Variants in MORN1 observed in about 807,000 individuals in gnomAD.
MORN1 encodes MORN repeat-containing protein 1.
Under a neutral mutation model 61.9 loss-of-function variants are expected in MORN1, and 67 were observed. The ratio of observed to expected loss-of-function variants is 1.08; its 90% confidence interval spans 0.89 to 1.33. The LOEUF (loss-of-function observed/expected upper bound fraction) is 1.33, where lower values mean the gene tolerates loss of function less well. Ranked by LOEUF, MORN1 falls within the 40% of genes most tolerant of loss-of-function variation. The pLI, the probability that MORN1 is intolerant of heterozygous loss-of-function variation, is 0.00. For missense variants in MORN1, 752 were observed against 691.2 expected, an observed-to-expected ratio of 1.09 and a Z score of -0.99; for synonymous variants, 301 against 292.0, an observed-to-expected ratio of 1.03 and a Z score of -0.31.
chr1:2,384,855 G>A lies in MORN1; in HGVS notation c.537+123C>T, dbSNP rs1570047183. 9 of 767,146 alleles carry A rather than the reference G, an allele frequency of 1.2e-5. No homozygotes were observed. The East Asian group carries it at 1.9e-4, about 17-fold the overall frequency. 47.5% of individuals were successfully genotyped at this position (767,146 alleles called of 1,614,324 possible). A position where few individuals can be genotyped will look rare whatever the true frequency, so the allele number is the denominator to read the frequency against. Reference sequence around the variant, plus strand: ...AAACTTATCTTCCCACACGGGATCAGGGAATCGCAGGGCCTGGCACATGGA... The same window carrying A: ...AAACTTATCTTCCCACACGGGATCAAGGAATCGCAGGGCCTGGCACATGGA... On this transcript the variant is annotated intron_variant, in intron 6 of 13. Coordinates refer to ENST00000378531, the MANE Select transcript of MORN1 (RefSeq NM_024848.3).
Position 2,384,902 on chromosome 1 carries a change from C to T in MORN1, c.537+76G>A, listed in dbSNP as rs1642454999. On this transcript the variant is annotated intron_variant, in intron 6 of 13. Transcript: ENST00000378531. Reference sequence around the variant, plus strand: ...TGGAGAAGCTGCCAGGGTGAGGCTCCCCATACACCCCACGCGCCCTGCCCA... The same window carrying T: ...TGGAGAAGCTGCCAGGGTGAGGCTCTCCATACACCCCACGCGCCCTGCCCA... 27 of 1,291,122 alleles carry T rather than the reference C, an allele frequency of 2.1e-5. No homozygotes were observed. In the South Asian group the frequency reaches 3.5e-4, roughly 17 times the overall value. 80.0% of individuals were successfully genotyped at this position (1,291,122 alleles called of 1,614,324 possible).
Position 2,336,437 on chromosome 1 carries a change from G to A in MORN1, c.1250+32C>T, listed in dbSNP as rs375796193. The A allele has an allele frequency of 4.5e-3, 7,192 of 1,602,210 alleles. 25 individuals carry two copies. The highest frequency in any genetic ancestry group is 5.6e-3 in the Non-Finnish European group (6,619 of 1,173,042). On this transcript the variant is annotated intron_variant, in intron 12 of 13. Coordinates refer to ENST00000378531, the MANE Select transcript of MORN1 (RefSeq NM_024848.3). ...ATGAGGAGGCCACAGCTGACCCTCC[G>A]AACACCTGCAGGTGGGGTGGGCTCA...
chr1:2,342,170 C>T (rs922147905), intron 10 of MORN1, among the ~76,000 whole-genome samples: 5 of 152,274 alleles, frequency 3.3e-5, no homozygotes, highest in South Asian at 2.1e-4. Context: ...TGAGCCAGCC[C>T]GGGACGGGAT....
Position 2,321,400 on chromosome 1 carries a change from G to A in MORN1, c.1477C>T (p.Pro493Ser). 2 of 1,533,116 alleles carry A rather than the reference G, an allele frequency of 1.3e-6. No homozygotes were observed. Among genetic ancestry groups the A allele is most frequent in the Admixed American group, 2.1e-5 (1 of 48,122 alleles). 95.0% of individuals were successfully genotyped at this position (1,533,116 alleles called of 1,614,324 possible). A position where few individuals can be genotyped will look rare whatever the true frequency, so the allele number is the denominator to read the frequency against. ...ACGGGGCCTCACCGAGGCGCTGGCGGCTCTGGGGTGCAGCTGTGGGCGGCC... is the reference window on the plus strand; with the variant it reads ...ACGGGGCCTCACCGAGGCGCTGGCGACTCTGGGGTGCAGCTGTGGGCGGCC... ...WQAAHSCTPE[P>S]PAPR The change falls in exon 14 of 14, where the codon CCG becomes TCG. Residue 493 changes from proline (P) to serine (S), a missense_variant. Pro to Ser is a moderately conservative substitution (Grantham distance 74). Coordinates refer to ENST00000378531, the MANE Select transcript of MORN1 (RefSeq NM_024848.3).
chr1:2,327,979 G>A (rs1262844242), intron 12 of MORN1, among the ~76,000 whole-genome samples: 5 of 152,364 alleles, frequency 3.3e-5, no homozygotes. Context: ...GCCCGTCACA[G>A]GCTTCTGTGT....
chr1:2,333,811 C>A (rs1240376952), intron 12 of MORN1, among the ~76,000 whole-genome samples: 1 of 152,232 alleles, frequency 6.6e-6, no homozygotes, highest in Non-Finnish European at 1.5e-5. Flanking sequence ...AACCACTCGG[C>A]CACGACACAG....
chr1:2,328,421 C>A (rs57600853), intron 12 of MORN1, among the ~76,000 whole-genome samples: 2,184 of 152,332 alleles, frequency 0.014, 50 homozygotes, highest in African/African-American at 0.05. Context: ...GGAGGCTTTG[C>A]CCAGCTCTGG....
chr1:2,342,510 C>T (rs992962638), intron 10 of MORN1, among the ~76,000 whole-genome samples: 8 of 152,242 alleles, frequency 5.3e-5, no homozygotes, highest in Non-Finnish European at 1.0e-4. Context: ...ATCAGTCAGC[C>T]GAGAAGCGCG....
rs1446476285 is a variant in MORN1, at chr1:2,332,724, G to T, written c.1250+3745C>A. ...GTGCCTCGAGATTTGGAGCAGCCAGGAGAACCCTTTGTTAGCTCCTGTTGG... is the reference window on the plus strand; with the variant it reads ...GTGCCTCGAGATTTGGAGCAGCCAGTAGAACCCTTTGTTAGCTCCTGTTGG... On this transcript the variant is annotated intron_variant, in intron 12 of 13. Coordinates refer to ENST00000378531, the MANE Select transcript of MORN1 (RefSeq NM_024848.3). 2.0e-5 allele frequency: 9 copies of T among 456,302 alleles called. 1 individual carries two copies. Among genetic ancestry groups the T allele is most frequent in the South Asian group, 1.4e-4 (9 of 64,580 alleles). 28.3% of individuals were successfully genotyped at this position (456,302 alleles called of 1,614,324 possible). A position where few individuals can be genotyped will look rare whatever the true frequency, so the allele number is the denominator to read the frequency against.
intron 6 of MORN1, among the ~76,000 whole-genome samples, chr1:2,382,189 G>C (rs1048082239): frequency 2.6e-5 from 4 of 152,204 alleles, no homozygotes; most frequent in Non-Finnish European, 5.9e-5. Context: ...GGCCGGAGGG[G>C]ATGGCCCTGT....
chr1:2,336,784 G>A lies in MORN1; in HGVS notation c.1103C>T (p.Thr368Ile). 1 of 1,606,230 alleles carries A rather than the reference G, an allele frequency of 6.2e-7. No individual in the cohort carries two copies. ...CGGGGGCGGCCCCAGGAGGACATCTGTGAACTCGGCACAGCCCTGCTCCAC... is the reference window on the plus strand; with the variant it reads ...CGGGGGCGGCCCCAGGAGGACATCTATGAACTCGGCACAGCCCTGCTCCAC... The part of the protein sequence containing the change: ...QRVEQGCAEF[T>I]DVLLGPPPPG... Residue 368 changes from threonine to isoleucine, a missense_variant, in exon 11 of 14, where the codon ACA becomes ATA. By Grantham distance (89) the Thr-to-Ile change is moderately conservative. Coordinates refer to ENST00000378531, the MANE Select transcript of MORN1 (RefSeq NM_024848.3).
intron 6 of MORN1, among the ~76,000 whole-genome samples, chr1:2,381,056 T>C (rs987787598): frequency 1.3e-5 from 2 of 152,214 alleles, no homozygotes; most frequent in Admixed American, 1.3e-4. Context: ...AGCGCTAAGA[T>C]GCAGAGCAGA....
chr1:2,330,604 C>T (rs887770204), intron 12 of MORN1, among the ~76,000 whole-genome samples: 1 of 152,246 alleles, frequency 6.6e-6, no homozygotes, highest in African/African-American at 2.4e-5. Context: ...CTGTGTTGGC[C>T]TAATGACTGA....
chr1:2,321,542 CG>C lies in MORN1; in HGVS notation c.1334del (p.Pro445ArgfsTer18), dbSNP rs1257251470. ...YVLMIRDVTT[P>X]PFLGRRLPPA... ...GGGGCAGCCTGCGCCCCAGGAACGG[CG>C]GGGTGGTCACGTCGCGGATCATGAG... On this transcript the variant is annotated frameshift_variant, in exon 14 of 14. Coordinates refer to ENST00000378531, the MANE Select transcript of MORN1 (RefSeq NM_024848.3). LOFTEE classifies it low-confidence loss of function (END_TRUNC). The C allele has an allele frequency of 1.3e-6, 2 of 1,527,460 alleles. No homozygotes were observed. Among genetic ancestry groups the C allele is most frequent in the Non-Finnish European group, 1.8e-6 (2 of 1,135,760 alleles). 94.6% of individuals were successfully genotyped at this position (1,527,460 alleles called of 1,614,324 possible). A position where few individuals can be genotyped will look rare whatever the true frequency, so the allele number is the denominator to read the frequency against.
At chr1:2,339,835 G>A (rs1641356002) in intron 10 of MORN1, among the ~76,000 whole-genome samples, 2 of 152,220 alleles carry the variant, frequency 1.3e-5, no homozygotes, top group African/African-American at 4.8e-5. Context: ...CACCACACAA[G>A]CTTGCGCATC....
At chr1:2,390,130 G>A (rs1642610769) in intron 1 of MORN1, 134 bp from the exon 2 acceptor site, 3 of 767,266 alleles carry the variant, frequency 3.9e-6, no homozygotes, top group East Asian at 2.5e-5. Flanking sequence ...GCAGACCAGA[G>A]GCGACCTGTG....
At chr1:2,332,998 C>G (rs891573704) in intron 12 of MORN1, among the ~76,000 whole-genome samples, 1 of 152,216 alleles carries the variant, frequency 6.6e-6, no homozygotes, top group Admixed American at 6.5e-5. Context: ...CCAACCCCCA[C>G]GGGTCCCCCA....
At chr1:2,352,154 TTAA>T (rs1641664260) in intron 10 of MORN1, 1 of 349,270 alleles carries the variant, frequency 2.9e-6, no homozygotes, top group Non-Finnish European at 5.5e-6. Flanking sequence ...TGGTTCTGCA[TTAA>T]TAATAGCTAA....
At chr1:2,324,333 C>A (rs1159414040) in intron 12 of MORN1, among the ~76,000 whole-genome samples, 190 bp from the exon 13 acceptor site, 1 of 152,210 alleles carries the variant, frequency 6.6e-6, no homozygotes, top group Non-Finnish European at 1.5e-5. Flanking sequence ...ACCCAGCTCT[C>A]TGCACCTCGG....
Sources: allele counts gnomAD v4.1 joint callset (sites outside exome capture counted in the v4.1 genomes callset), GRCh38; gene constraint gnomAD v4.1.1; transcripts MANE v1.5; gene names NCBI Gene and HGNC (gene_info 2026-07-23, HGNC 2026-07-21).